Variants in NT5DC4 observed in about 807,000 individuals in gnomAD.
NT5DC4 encodes the protein 5'-nucleotidase domain-containing protein 4.
In NT5DC4, 44 loss-of-function variants were observed where a neutral mutation model predicts 26.6. That is an observed-to-expected ratio of 1.65 (90% CI 1.30 to 2.13). The LOEUF (loss-of-function observed/expected upper bound fraction) is 2.13. Ranked by LOEUF, NT5DC4 falls within the 30% of genes most tolerant of loss-of-function variation. The probability of loss-of-function intolerance (pLI) is 0.00; values close to 1 mark genes in which losing one functional copy is unlikely to be tolerated. For synonymous variants in NT5DC4, 157 were observed against 86.7 expected (o/e 1.81, Z -4.51); for missense variants, 399 against 228.1 (o/e 1.75, Z -4.83).
Position 112,734,979 on chromosome 2 carries a change from C to T in NT5DC4, c.1345-3934C>T, listed in dbSNP as rs544560061. 7.6e-4 allele frequency among the ~76,000 whole-genome samples: 116 copies of T among 151,704 alleles called. 1 individual carries two copies. The Middle Eastern group carries it at 0.021, about 27-fold the overall frequency. On this transcript the variant is annotated intron_variant, in intron 16 of 16. Transcript: ENST00000688554. ...TGCTGGGATTATAGGCGTGAGCCAC[C>T]GCACCCAGTCTGGGGTGCTTTTATT...
intron 16 of NT5DC4, among the ~76,000 whole-genome samples, chr2:112,732,395 G>A (rs1223164796): frequency 6.6e-6 from 1 of 150,420 alleles, no homozygotes; most frequent in Non-Finnish European, 1.5e-5. Context: ...TAAATCCCAG[G>A]TCTCACTGGC....
At chr2:112,728,116 A>T (rs767459011) in intron 15 of NT5DC4, among the ~76,000 whole-genome samples, 5 of 152,264 alleles carry the variant, frequency 3.3e-5, no homozygotes, top group Non-Finnish European at 7.3e-5. Flanking sequence ...ACAGTCTTGC[A>T]GATAACTGTC....
At position 112,721,878 on chromosome 2, in the gene NT5DC4, C is replaced by A. The variant is rs1676910753; in HGVS notation, c.135C>A (p.Asp45Glu). Residue 45 changes from aspartate (D) to glutamate (E), a missense_variant, in exon 2 of 17, where the codon GAC (aspartate) becomes GAA (glutamate). Asp to Glu is a conservative substitution (Grantham distance 45). Coordinates refer to ENST00000688554, the MANE Select transcript of NT5DC4 (RefSeq NM_001393655.1). ...TTCGTTGCTTTGGCTTCGACATGGA[C>A]TACACTCTGGCTGGTAGAGAGGGCT... is the stretch of plus-strand genomic sequence containing the variant. ...GKIRCFGFDM[D>E]YTLAAYKSPA... is the part of the protein sequence containing the mutation. 2.8e-6 allele frequency: 2 copies of A among 717,316 alleles called. No homozygotes were observed. The highest frequency in any genetic ancestry group is 2.0e-5 in the Admixed American group (1 of 50,004). The allele number at this position is 717,316 out of a possible 1,614,324, so 44.4% of individuals were successfully genotyped here.
upstream of NT5DC4, among the ~76,000 whole-genome samples, chr2:112,719,971 TTTC>T (rs761576646): frequency 0.091 from 10,979 of 120,734 alleles, 812 homozygotes; most frequent in East Asian, 0.15. Flanking sequence ...TCTTTCTTTC[TTTC>T]TTTCTTTCTT....
intron 16 of NT5DC4, among the ~76,000 whole-genome samples, chr2:112,731,893 C>T (rs1010425566): frequency 2.0e-5 from 3 of 148,966 alleles, no homozygotes; most frequent in East Asian, 2.0e-4. Context: ...TAAGGGACAA[C>T]GGGCCATGGA....
At chr2:112,735,524 A>C (rs1679045119) in intron 16 of NT5DC4, among the ~76,000 whole-genome samples, 1 of 148,332 alleles carries the variant, frequency 6.7e-6, no homozygotes, top group Non-Finnish European at 1.5e-5. Context: ...CTTTACACTC[A>C]CCTCCTCTAA....
intron 10 of NT5DC4, chr2:112,724,418 G>GCTGGGAGTGACAGGTCCTGGGCA (rs1677406906): frequency 1.7e-6 from 1 of 580,690 alleles, no homozygotes. Flanking sequence ...AGGGAGGGGT[G>GCTGGGAGTGACAGGTCCTGGGCA]CTGGGAGTGA....
chr2:112,719,914 T>TTC (rs1676688681), upstream of NT5DC4, among the ~76,000 whole-genome samples: 9 of 112,710 alleles, frequency 8.0e-5, no homozygotes, highest in African/African-American at 1.3e-4. Context: ...TTTTCTTTCT[T>TTC]TCTTTCTTTC....
Position 112,722,412 on chromosome 2 carries a change from G to T in NT5DC4, c.363-71G>T, listed in dbSNP as rs1677015827. ...CTCAGCACAGAAGGGATGCGTGGTG[G>T]TTGGAAGGGATGGCCAGAGCCTGGA... On this transcript the variant is annotated intron_variant, in intron 4 of 16. Transcript: ENST00000688554. 3 of 715,022 alleles carry T rather than the reference G, an allele frequency of 4.2e-6. No individual in the cohort carries two copies. In the South Asian group the frequency reaches 4.5e-5, roughly 11 times the overall value. The allele number at this position is 715,022 out of a possible 1,614,324, so 44.3% of individuals were successfully genotyped here.
chr2:112,741,510 G>GA (rs1679963782), downstream of NT5DC4, among the ~76,000 whole-genome samples: 1 of 152,216 alleles, frequency 6.6e-6, no homozygotes. Context: ...TCACCAAAAT[G>GA]AAAGGAAGGA....
chr2:112,725,087 T>C (rs996044713), intron 11 of NT5DC4, 87 bp from the exon 12 acceptor site: 2 of 662,422 alleles, frequency 3.0e-6, no homozygotes, highest in Non-Finnish European at 5.7e-6. Flanking sequence ...TGGTTACCTC[T>C]GCCACTCCCA....
At chr2:112,739,413 C>A (rs1466423188), downstream of NT5DC4, among the ~76,000 whole-genome samples, 1 of 152,004 alleles carries the variant, frequency 6.6e-6, no homozygotes, top group East Asian at 1.9e-4. Flanking sequence ...ATGGCAAGAC[C>A]CCAGTCTCAA....
chr2:112,726,153 C>A, intron 13 of NT5DC4, 85 bp from the exon 14 acceptor site: 1 of 711,172 alleles, frequency 1.4e-6, no homozygotes, highest in South Asian at 1.5e-5. Flanking sequence ...AAGTCCTCCG[C>A]TGGGCCAGGG....
At chr2:112,732,064 C>A (rs890770113) in intron 16 of NT5DC4, among the ~76,000 whole-genome samples, 1 of 151,972 alleles carries the variant, frequency 6.6e-6, no homozygotes, top group African/African-American at 2.4e-5. Flanking sequence ...GCATACTCCA[C>A]CACACCTGGC....
In NT5DC4 at chr2:112,738,940, G is replaced by A. The variant is rs1679619897; in HGVS notation, c.*4G>A. 9 of 1,614,072 alleles carry A rather than the reference G, an allele frequency of 5.6e-6. No individual in the cohort carries two copies. The highest frequency in any genetic ancestry group is 2.2e-5 in the East Asian group (1 of 44,880). On this transcript the variant is annotated 3_prime_UTR_variant, in exon 17 of 17. Transcript: ENST00000688554. ...CATCAAGAGAAGCCACTACTAAATC[G>A]TGTTCCTGCAGCATTTCTGGGTAGC...
intron 15 of NT5DC4, 195 bp downstream of exon 15, chr2:112,726,933 C>T (rs1677822998): frequency 4.9e-6 from 3 of 612,480 alleles, no homozygotes; most frequent in Non-Finnish European, 8.9e-6. Context: ...GCAGCGGTAC[C>T]CTCTTGAAGG....
upstream of NT5DC4, among the ~76,000 whole-genome samples, chr2:112,719,866 CCTTT>C (rs1676664538): frequency 1.5e-5 from 2 of 129,410 alleles, no homozygotes; most frequent in South Asian, 2.7e-4. Flanking sequence ...CTCCCTCCCT[CCTTT>C]CTTTCTCTTT....
intron 16 of NT5DC4, chr2:112,737,890 T>G (rs901910234): frequency 7.2e-5 from 11 of 152,220 alleles, no homozygotes; most frequent in Admixed American, 6.5e-4. Flanking sequence ...AAATTTAATG[T>G]TGTTTTAAGA....
intron 16 of NT5DC4, chr2:112,738,233 TGAG>T (rs1222502083): frequency 1.3e-5 from 2 of 152,444 alleles, no homozygotes; most frequent in Non-Finnish European, 2.9e-5. Context: ...GTGTTTCATC[TGAG>T]GAGACCTGGC....
Sources: allele counts gnomAD v4.1 joint callset (sites outside exome capture counted in the v4.1 genomes callset), GRCh38; gene constraint gnomAD v4.1.1; transcripts MANE v1.5; gene names NCBI Gene and HGNC (gene_info 2026-07-23, HGNC 2026-07-21).